The following KIF16B variants were observed in gnomAD, a reference collection of about 807,000 sequenced individuals.
The protein encoded by KIF16B is kinesin family member 16B, also known as kinesin-like protein KIF16B.
In KIF16B, 98 loss-of-function variants were observed where a neutral mutation model predicts 156.3. The observed-to-expected ratio is 0.63, with a 90% confidence interval of 0.53 to 0.74. The LOEUF is 0.74. Among genes scored for constraint, KIF16B ranks in the 30% least tolerant of loss-of-function variants. KIF16B has a pLI of 0.00. For missense variants in KIF16B, 1,421 were observed against 1,606.5 expected (o/e 0.88, Z 1.97); for synonymous variants, 564 against 583.7 (o/e 0.97, Z 0.49).
chr20:16,381,077 C>G (rs2065081851), intron 18 of KIF16B, among the ~76,000 whole-genome samples: 1 of 152,100 alleles, frequency 6.6e-6, no homozygotes. Context: ...TACGTCTTGG[C>G]TGGTTAAATA....
chr20:16,431,876 CAT>C (rs140952127), intron 12 of KIF16B, among the ~76,000 whole-genome samples: 6 of 143,404 alleles, frequency 4.2e-5, no homozygotes, highest in South Asian at 2.3e-4. Flanking sequence ...TATATATATA[CAT>C]ATATATATAT....
At chr20:16,520,169 A>G (rs2069291411) in intron 3 of KIF16B, among the ~76,000 whole-genome samples, 2 of 151,790 alleles carry the variant, frequency 1.3e-5, no homozygotes, top group East Asian at 1.9e-4. Flanking sequence ...TGGAACACCA[A>G]TGAGACAGAA....
intron 12 of KIF16B, among the ~76,000 whole-genome samples, chr20:16,465,804 T>C (rs577241927): frequency 6.6e-5 from 10 of 152,256 alleles, no homozygotes; most frequent in African/African-American, 2.4e-4. Flanking sequence ...TCTTAGTGAA[T>C]AGACAAATAA....
intron 15 of KIF16B, among the ~76,000 whole-genome samples, chr20:16,414,236 G>T (rs2066030846): frequency 6.6e-6 from 1 of 152,120 alleles, no homozygotes; most frequent in South Asian, 2.1e-4. Flanking sequence ...TGGTGTCTGT[G>T]GTGGGTAAGA....
intron 20 of KIF16B, 106 bp downstream of exon 20, chr20:16,374,151 G>T: frequency 8.9e-7 from 1 of 1,127,714 alleles, no homozygotes. Context: ...TGTATTACTT[G>T]TTGCCCTTAA....
intron 22 of KIF16B, chr20:16,368,068 A>G (rs2064722000): frequency 1.5e-6 from 2 of 1,355,302 alleles, no homozygotes; most frequent in South Asian, 3.4e-5. Context: ...AGCAACAGCA[A>G]GCCAGTAAAT....
At chr20:16,317,643 CCTT>C (rs1470697301) in intron 24 of KIF16B, among the ~76,000 whole-genome samples, 22 of 152,302 alleles carry the variant, frequency 1.4e-4, no homozygotes, top group African/African-American at 5.1e-4. Context: ...GTTCCTCTCA[CCTT>C]CTTCAAAAGC....
At chr20:16,411,339 C>T (rs967436772) in intron 15 of KIF16B, among the ~76,000 whole-genome samples, 1 of 152,040 alleles carries the variant, frequency 6.6e-6, no homozygotes, top group African/African-American at 2.4e-5. Context: ...TTACTTTGAG[C>T]ATAGAACTTA....
Position 16,380,047 on chromosome 20 carries a change from C to T in KIF16B, c.1955G>A (p.Arg652His), listed in dbSNP as rs372163476. The T allele has an allele frequency of 6.3e-6, 10 of 1,575,940 alleles. No individual in the cohort carries two copies. Among genetic ancestry groups the T allele is most frequent in the Admixed American group, 3.8e-5 (2 of 53,164 alleles). ...KETEIVQLQIRKQEESLKRRS... is the reference protein window; with the variant it reads ...KETEIVQLQIHKQEESLKRRS... ...GCGTTTGAGGCTCTCCTCCTGCTTG[C>T]GAATCTGGAGCTGCACGATTTCTGT... The change falls in exon 19 of 26, where the codon CGC becomes CAC. Residue 652 changes from arginine (R) to histidine (H), a missense_variant. Arg to His is a conservative substitution (Grantham distance 29, BLOSUM62 0). Coordinates refer to ENST00000354981, the MANE Select transcript of KIF16B (RefSeq NM_024704.5).
chr20:16,448,876 C>CAG (rs138248990), intron 12 of KIF16B, among the ~76,000 whole-genome samples: 3,144 of 145,380 alleles, frequency 0.022, 67 homozygotes, highest in Admixed American at 0.049. Flanking sequence ...AGAAATATGA[C>CAG]AGAGAGAGAG....
At chr20:16,481,141 G>C (rs2067972542) in intron 12 of KIF16B, among the ~76,000 whole-genome samples, 1 of 152,148 alleles carries the variant, frequency 6.6e-6, no homozygotes, top group Non-Finnish European at 1.5e-5. Context: ...TCTGCGGTAG[G>C]CTGAGAAAAC....
intron 15 of KIF16B, among the ~76,000 whole-genome samples, chr20:16,409,952 T>C (rs1568947486): frequency 5.9e-5 from 2 of 34,094 alleles, no homozygotes; most frequent in South Asian, 1.3e-3. Flanking sequence ...TACCTACATA[T>C]ATATATATAT....
rs142990771 is a variant in KIF16B at position 16,354,268 on chromosome 20, T to C, written c.3621+2062A>G. ...CAGTTATATTTTATTAACACATTTA[T>C]CTGTTAAAGTAAAATAAATCCGTGT... On this transcript the variant is annotated intron_variant, in intron 23 of 25. Coordinates refer to ENST00000354981, the MANE Select transcript of KIF16B (RefSeq NM_024704.5). 2.7e-3 allele frequency among the ~76,000 whole-genome samples: 418 copies of C among 152,332 alleles called. 4 individuals are homozygous for C. Among genetic ancestry groups the C allele is most frequent in the East Asian group, 0.025 (132 of 5,190 alleles).
rs144884181 is a variant in KIF16B at position 16,273,108 on chromosome 20, C to G, written c.*145G>C. 5.8e-6 allele frequency: 4 copies of G among 695,014 alleles called. No individual in the cohort carries two copies. Among genetic ancestry groups the G allele is most frequent in the Non-Finnish European group, 1.0e-5 (4 of 394,962 alleles). 43.1% of individuals were successfully genotyped at this position (695,014 alleles called of 1,614,324 possible). Reference sequence around the variant, plus strand: ...CAAACTCAGGCACTAGGTATGGAAACGTGAGGTGGCCCGGGCCCGCTGCTG... The same window carrying G: ...CAAACTCAGGCACTAGGTATGGAAAGGTGAGGTGGCCCGGGCCCGCTGCTG... On this transcript the variant is annotated 3_prime_UTR_variant, in exon 26 of 26. Transcript: ENST00000354981.
intron 25 of KIF16B, among the ~76,000 whole-genome samples, chr20:16,282,700 G>A (rs1373611180): frequency 6.6e-6 from 1 of 152,126 alleles, no homozygotes; most frequent in Admixed American, 6.5e-5. Flanking sequence ...CAGGCACAGA[G>A]CATTCAGCAG....
intron 15 of KIF16B, among the ~76,000 whole-genome samples, chr20:16,422,256 C>T (rs929506329): frequency 6.6e-6 from 1 of 152,032 alleles, no homozygotes; most frequent in African/African-American, 2.4e-5. Context: ...AAGGATAACC[C>T]CAAAATTAAA....
At chr20:16,520,148 C>G (rs1338404246) in intron 3 of KIF16B, among the ~76,000 whole-genome samples, 3 of 150,970 alleles carry the variant, frequency 2.0e-5, no homozygotes, top group Admixed American at 6.6e-5. Flanking sequence ...TTTTCATACC[C>G]TGGTGGCACC....
intron 23 of KIF16B, among the ~76,000 whole-genome samples, chr20:16,342,584 T>TA (rs374158041): frequency 2.5e-4 from 38 of 151,458 alleles, no homozygotes; most frequent in Middle Eastern, 3.4e-3. Context: ...AGTATGACTG[T>TA]AAAAAAAAAC....
chr20:16,560,408 A>G (rs2071013343), intron 1 of KIF16B, among the ~76,000 whole-genome samples: 2 of 152,224 alleles, frequency 1.3e-5, no homozygotes, highest in Non-Finnish European at 2.9e-5. Context: ...TGTCAATAAG[A>G]ATCAGCAGGT....
Sources: allele counts gnomAD v4.1 joint callset (sites outside exome capture counted in the v4.1 genomes callset), GRCh38; gene constraint gnomAD v4.1.1; transcripts MANE v1.5; gene names NCBI Gene and HGNC (gene_info 2026-07-23, HGNC 2026-07-21).